Variants in RIC1 observed in about 807,000 individuals in gnomAD.
RIC1 encodes guanine nucleotide exchange factor subunit RIC1.
Under a neutral mutation model 169.0 loss-of-function variants are expected in RIC1, and 88 were observed. The ratio of observed to expected loss-of-function variants is 0.52; its 90% CI spans 0.44 to 0.62. RIC1 has a LOEUF of 0.62. Among genes scored for constraint, RIC1 ranks in the 20% least tolerant of loss-of-function variants. The probability of loss-of-function intolerance (pLI) is 0.00; values close to 1 mark genes in which losing one functional copy is unlikely to be tolerated. For synonymous variants in RIC1, 790 were observed against 601.5 expected (o/e 1.31, Z -4.59); for missense variants, 1,877 against 1,725.5 (o/e 1.09, Z -1.56).
chr9:5,769,951 T>C, intron 22 of RIC1, 136 bp from the exon 23 acceptor site: 1 of 720,504 alleles, frequency 1.4e-6, no homozygotes, highest in Non-Finnish European at 2.3e-6. Flanking sequence ...GCTGATACAG[T>C]ACAGGACAGT....
chr9:5,707,683 G>C (rs1332286145), intron 3 of RIC1, among the ~76,000 whole-genome samples: 1 of 151,466 alleles, frequency 6.6e-6, no homozygotes. Context: ...TTGTTTGTTT[G>C]TTTCTGATTT....
intron 3 of RIC1, among the ~76,000 whole-genome samples, chr9:5,696,963 G>C (rs757592360): frequency 4.7e-4 from 72 of 152,198 alleles, no homozygotes; most frequent in Non-Finnish European, 8.4e-4. Flanking sequence ...TCCACTGAAT[G>C]TCCTAGGTCT....
intron 1 of RIC1, among the ~76,000 whole-genome samples, chr9:5,644,113 A>C (rs943409365): frequency 1.3e-5 from 2 of 152,192 alleles, no homozygotes; most frequent in African/African-American, 4.8e-5. Context: ...AATACATCTA[A>C]GTGTACATTG....
intron 1 of RIC1, among the ~76,000 whole-genome samples, chr9:5,632,337 A>C (rs746723364): frequency 6.6e-6 from 1 of 152,234 alleles, no homozygotes; most frequent in Non-Finnish European, 1.5e-5. Context: ...CTGAATCTCT[A>C]TTAAAATCTC....
Position 5,772,630 on chromosome 9 carries a change from G to C in RIC1, c.3683G>C (p.Trp1228Ser), listed in dbSNP as rs371661349. The C allele has an allele frequency of 6.2e-7, 1 of 1,613,804 alleles. No individual in the cohort carries two copies. Among genetic ancestry groups the C allele is most frequent in the Non-Finnish European group, 8.5e-7 (1 of 1,179,870 alleles). The change falls in exon 24 of 26, where the codon TGG becomes TCG. Residue 1228 changes from tryptophan to serine, a missense_variant. By Grantham distance (177) the Trp-to-Ser change is radical. Transcript: ENST00000414202. ...TESSSMVDGD[W>S]TMVDENFSTL... is the part of the protein sequence containing the mutation. The stretch of plus-strand genomic sequence containing the variant: ...AGTAGCTCCATGGTGGATGGCGACT[G>C]GACAATGGTGGATGAAAATTTCTCT...
intron 3 of RIC1, among the ~76,000 whole-genome samples, chr9:5,696,051 A>G (rs1216761423): frequency 6.6e-6 from 1 of 151,962 alleles, no homozygotes; most frequent in African/African-American, 2.4e-5. Flanking sequence ...CACTTTACAT[A>G]TTTGTTCAGT....
chr9:5,742,572 A>C (rs1242597210), intron 8 of RIC1, among the ~76,000 whole-genome samples: 3 of 152,098 alleles, frequency 2.0e-5, no homozygotes, highest in Non-Finnish European at 4.4e-5. Flanking sequence ...GATTTATACA[A>C]AGCCAAAGAC....
chr9:5,714,493 A>T (rs1823119402), intron 4 of RIC1, among the ~76,000 whole-genome samples: 2 of 152,342 alleles, frequency 1.3e-5, no homozygotes, highest in East Asian at 3.9e-4. Flanking sequence ...GGTAGAAAAA[A>T]TCTTACCTAC....
chr9:5,731,728 T>A (rs1824380637), intron 6 of RIC1, among the ~76,000 whole-genome samples: 1 of 152,186 alleles, frequency 6.6e-6, no homozygotes, highest in Non-Finnish European at 1.5e-5. Flanking sequence ...GCTTGTTGAA[T>A]GGTAGGCATT....
chr9:5,660,777 A>G (rs1242716120), intron 2 of RIC1, among the ~76,000 whole-genome samples: 1 of 152,158 alleles, frequency 6.6e-6, no homozygotes, highest in Admixed American at 6.6e-5. Context: ...ATAGATTCCA[A>G]AAATTTGCTA....
Position 5,750,493 on chromosome 9 carries a change from A to G in RIC1, c.1453-2707A>G, listed in dbSNP as rs551110038. Among the ~76,000 whole-genome samples, 76 of 151,998 alleles carry G rather than the reference A, an allele frequency of 5.0e-4. 2 individuals carry two copies. Among genetic ancestry groups the G allele is most frequent in the African/African-American group, 1.6e-3 (66 of 41,284 alleles). ...TACTGTCTTCCTACAGTATGTATCA[A>G]GTGTACCAGGTATTTGGCACAGAAC... On this transcript the variant is annotated intron_variant, in intron 12 of 25. Coordinates refer to ENST00000414202, the MANE Select transcript of RIC1 (RefSeq NM_020829.4).
In RIC1 at chr9:5,700,124, T is replaced by C. The variant is rs947794858; in HGVS notation, c.332+10086T>C. 1.3e-4 allele frequency among the ~76,000 whole-genome samples: 20 copies of C among 152,108 alleles called. 1 individual carries two copies. The highest frequency in any genetic ancestry group is 1.1e-3 in the Admixed American group (17 of 15,268). On this transcript the variant is annotated intron_variant, in intron 3 of 25. Transcript: ENST00000414202. ...TTCCTTCATTGACATTTCTGTTCTTTCCTTCACAAATTCTGCCATGGCTTG... is the reference window on the plus strand; with the variant it reads ...TTCCTTCATTGACATTTCTGTTCTTCCCTTCACAAATTCTGCCATGGCTTG...
At chr9:5,631,093 C>T (rs904070110) in intron 1 of RIC1, among the ~76,000 whole-genome samples, 9 of 152,142 alleles carry the variant, frequency 5.9e-5, no homozygotes, top group African/African-American at 1.9e-4. Flanking sequence ...CCACTTTATT[C>T]CCCCATAAGA....
Position 5,757,363 on chromosome 9 carries a change from G to C in RIC1, c.1904G>C (p.Arg635Pro). ...IQVLQEVSMS[R>P]YIPHPFLVVS... ...GTTCTTCAGGAGGTTTCCATGTCAC[G>C]CTACATTCCTCACCCTTTCCTGGTG... The change falls in exon 17 of 26, where the codon CGC (arginine) becomes CCC (proline). Residue 635 changes from arginine (R) to proline (P), a missense_variant. Coordinates refer to ENST00000414202, the MANE Select transcript of RIC1 (RefSeq NM_020829.4). 6.2e-7 allele frequency: 1 copy of C among 1,613,970 alleles called. No homozygotes were observed. Among genetic ancestry groups the C allele is most frequent in the Non-Finnish European group, 8.5e-7 (1 of 1,179,902 alleles).
At chr9:5,629,642 C>T (rs942047130) in intron 1 of RIC1, among the ~76,000 whole-genome samples, 189 bp downstream of exon 1, 9 of 152,152 alleles carry the variant, frequency 5.9e-5, no homozygotes, top group Non-Finnish European at 1.2e-4. Context: ...GTCCTCCAGC[C>T]GGCGGTCCGG....
At chr9:5,734,158 G>C (rs906557217) in intron 7 of RIC1, among the ~76,000 whole-genome samples, 14 of 150,932 alleles carry the variant, frequency 9.3e-5, no homozygotes, top group Non-Finnish European at 1.0e-4. Context: ...CCTGGCTAGA[G>C]TGCAAGAGCG....
intron 1 of RIC1, among the ~76,000 whole-genome samples, chr9:5,639,288 A>G (rs1388027606): frequency 6.6e-6 from 1 of 152,070 alleles, no homozygotes; most frequent in Non-Finnish European, 1.5e-5. Flanking sequence ...AACTTTTGAT[A>G]TGTTGTGTTT....
intron 2 of RIC1, among the ~76,000 whole-genome samples, chr9:5,664,295 C>A (rs1819627240): frequency 6.6e-6 from 1 of 151,968 alleles, no homozygotes; most frequent in Non-Finnish European, 1.5e-5. Context: ...TACCTGTAGT[C>A]CCAGCTACTC....
chr9:5,753,448 C>CT, intron 13 of RIC1, 88 bp from the exon 14 acceptor site: 3 of 860,544 alleles, frequency 3.5e-6, no homozygotes, highest in Non-Finnish European at 5.5e-6. Flanking sequence ...TATTAATTGT[C>CT]TGTTTGCCTG....
Sources: gnomAD v4.1 joint callset for allele counts (sites outside exome capture counted in the v4.1 genomes callset) on GRCh38, gnomAD v4.1.1 for gene constraint, MANE v1.5 for transcripts, NCBI Gene and HGNC (gene_info 2026-07-23, HGNC 2026-07-21) for gene names.